Variants in RIMS2 observed in about 807,000 individuals in gnomAD.
RIMS2 encodes the protein regulating synaptic membrane exocytosis protein 2.
In RIMS2, 59 loss-of-function variants were observed where a neutral mutation model predicts 174.4. The ratio of observed to expected loss-of-function variants is 0.34; its 90% CI spans 0.27 to 0.42. The LOEUF is 0.42. RIMS2 is among the 10% of genes least tolerant of loss of function. RIMS2 has a pLI of 1.00. For synonymous variants in RIMS2, 606 were observed against 572.5 expected, an observed-to-expected ratio of 1.06 and a Z score of -0.84; for missense variants, 1,620 against 1,666.3, an observed-to-expected ratio of 0.97 and a Z score of 0.48.
intron 1 of RIMS2, among the ~76,000 whole-genome samples, chr8:103,657,351 CTTAA>C (rs1173046147): frequency 6.6e-6 from 1 of 152,168 alleles, no homozygotes; most frequent in Non-Finnish European, 1.5e-5. Context: ...CACACTTATT[CTTAA>C]TTATGTAAGA....
At chr8:103,805,434 G>A (rs1200438448) in intron 3 of RIMS2, among the ~76,000 whole-genome samples, 1 of 151,888 alleles carries the variant, frequency 6.6e-6, no homozygotes, top group African/African-American at 2.4e-5. Context: ...CAAAATTTTT[G>A]TCACATATAA....
intron 8 of RIMS2, among the ~76,000 whole-genome samples, chr8:103,916,965 C>T (rs1196700501): frequency 1.3e-5 from 2 of 151,982 alleles, no homozygotes; most frequent in Non-Finnish European, 2.9e-5. Context: ...TCTTTTTTAA[C>T]AAGGTAGACA....
At chr8:103,560,539 G>A (rs2091421636) in intron 1 of RIMS2, among the ~76,000 whole-genome samples, 1 of 152,162 alleles carries the variant, frequency 6.6e-6, no homozygotes, top group Admixed American at 6.6e-5. Flanking sequence ...GAATGTTGCT[G>A]AATACACAGA....
chr8:103,575,659 T>A (rs533997657), intron 1 of RIMS2, among the ~76,000 whole-genome samples: 15 of 135,798 alleles, frequency 1.1e-4, no homozygotes, highest in Admixed American at 6.5e-4. Flanking sequence ...TTTATATATA[T>A]AAACACACAC....
chr8:103,915,074 A>T (rs1195243209), intron 6 of RIMS2, among the ~76,000 whole-genome samples: 1 of 152,090 alleles, frequency 6.6e-6, no homozygotes, highest in Non-Finnish European at 1.5e-5. Flanking sequence ...ATTATCAATG[A>T]AAATTTGGTG....
intron 19 of RIMS2, among the ~76,000 whole-genome samples, chr8:104,091,352 A>G (rs188831944): frequency 3.4e-4 from 51 of 151,910 alleles, no homozygotes; most frequent in Non-Finnish European, 1.2e-4. Flanking sequence ...ATAATAAATT[A>G]CTTTAAAAGA....
At chr8:104,189,349 T>C (rs1240116959) in intron 19 of RIMS2, among the ~76,000 whole-genome samples, 1 of 151,792 alleles carries the variant, frequency 6.6e-6, no homozygotes, top group Non-Finnish European at 1.5e-5. Context: ...GAATAAATCA[T>C]TAGCCCTTTG....
At chr8:103,989,159 TTTAG>T in intron 16 of RIMS2, 142 bp from the exon 19 acceptor site, 1 of 603,152 alleles carries the variant, frequency 1.7e-6, no homozygotes, top group Non-Finnish European at 3.0e-6. Flanking sequence ...AACTTATACC[TTTAG>T]TTAGAGATGC....
In RIMS2 at chr8:103,946,564, C is replaced by T. The variant is rs570354396; in HGVS notation, c.2701+3638C>T. ...TGAATTAAATTTTACAAAAGATGTT[C>T]AAACTCGTACAATAAAAAATCACAA... On this transcript the variant is annotated intron_variant, in intron 14 of 23. Transcript: ENST00000504942. Among the ~76,000 whole-genome samples the T allele has an allele frequency of 5.3e-5, 8 of 152,158 alleles. No individual in the cohort carries two copies. In the South Asian group the frequency reaches 1.7e-3, roughly 32 times the overall value.
chr8:103,515,657 AT>A (rs1828636385), intron 1 of RIMS2, among the ~76,000 whole-genome samples: 2 of 152,158 alleles, frequency 1.3e-5, no homozygotes, highest in South Asian at 4.1e-4. Context: ...GGCAAAATTT[AT>A]ATTCAAGAGC....
chr8:103,937,699 A>C (rs1595488165), intron 13 of RIMS2, among the ~76,000 whole-genome samples: 1 of 152,362 alleles, frequency 6.6e-6, no homozygotes, highest in Middle Eastern at 3.4e-3. Flanking sequence ...AGAGGAAATA[A>C]GAAGGCATCA....
At chr8:103,714,224 A>G (rs1460794287) in intron 2 of RIMS2, among the ~76,000 whole-genome samples, 1 of 152,194 alleles carries the variant, frequency 6.6e-6, no homozygotes, top group Non-Finnish European at 1.5e-5. Flanking sequence ...TAGTGTACTT[A>G]CTATGGGCAT....
chr8:103,948,863 A>T (rs1201809552), intron 14 of RIMS2, among the ~76,000 whole-genome samples: 1 of 151,788 alleles, frequency 6.6e-6, no homozygotes, highest in Non-Finnish European at 1.5e-5. Flanking sequence ...GATGGCTCAC[A>T]CCTGTAATCT....
chr8:104,144,224 T>A (rs780679428), intron 19 of RIMS2, among the ~76,000 whole-genome samples: 1 of 152,346 alleles, frequency 6.6e-6, no homozygotes, highest in Non-Finnish European at 1.5e-5. Flanking sequence ...ATTGGCAGTT[T>A]TATATATTTA....
intron 3 of RIMS2, among the ~76,000 whole-genome samples, chr8:103,803,570 T>C (rs2098630113): frequency 6.6e-6 from 1 of 152,220 alleles, no homozygotes; most frequent in Non-Finnish European, 1.5e-5. Context: ...CTAAGTTATG[T>C]ACAATGAGAC....
chr8:103,788,895 TCA>T (rs1266182981), intron 3 of RIMS2, among the ~76,000 whole-genome samples: 2 of 152,316 alleles, frequency 1.3e-5, no homozygotes, highest in Non-Finnish European at 2.9e-5. Flanking sequence ...CAGTTTGATC[TCA>T]GACTGCTGTG....
intron 1 of RIMS2, among the ~76,000 whole-genome samples, chr8:103,558,756 G>GT (rs2091012816): frequency 1.3e-5 from 2 of 152,080 alleles, no homozygotes; most frequent in Admixed American, 1.3e-4. Context: ...CTGAAGGGTG[G>GT]TTTGGTCATT....
At chr8:104,059,738 C>T (rs1469306837) in intron 19 of RIMS2, among the ~76,000 whole-genome samples, 6 of 151,242 alleles carry the variant, frequency 4.0e-5, no homozygotes, top group South Asian at 2.1e-4. Flanking sequence ...TTTTGAGATA[C>T]GTCCCATCAA....
chr8:103,619,575 G>A (rs754189461), intron 1 of RIMS2, among the ~76,000 whole-genome samples: 9 of 152,080 alleles, frequency 5.9e-5, no homozygotes, highest in Non-Finnish European at 1.2e-4. Context: ...TTGGTAAACA[G>A]TGGGGAAGAA....
Sources: allele counts gnomAD v4.1 joint callset (sites outside exome capture counted in the v4.1 genomes callset), GRCh38; gene constraint gnomAD v4.1.1; transcripts MANE v1.5; gene names NCBI Gene and HGNC (gene_info 2026-07-23, HGNC 2026-07-21).